FOXP4: variants seen among roughly 807,000 people sequenced by gnomAD.
The protein encoded by FOXP4 is forkhead box protein P4.
In FOXP4, 25 loss-of-function variants were observed where a neutral mutation model predicts 82.6. The ratio of observed to expected loss-of-function variants is 0.30; its 90% CI spans 0.22 to 0.42. The LOEUF is 0.42. Ranked by LOEUF, FOXP4 falls within the 10% of genes least tolerant of loss-of-function variation. FOXP4 has a pLI of 1.00. For synonymous variants in FOXP4, 415 were observed against 388.2 expected (o/e 1.07, Z -0.81); for missense variants, 785 against 900.9 (o/e 0.87, Z 1.65).
intron 14 of FOXP4, among the ~76,000 whole-genome samples, chr6:41,596,082 G>A (rs1766816059): frequency 6.6e-6 from 1 of 152,176 alleles, no homozygotes; most frequent in Non-Finnish European, 1.5e-5. Flanking sequence ...ACTTTTGGTA[G>A]AGACGGGGTT....
intron 1 of FOXP4, among the ~76,000 whole-genome samples, chr6:41,555,659 CTATT>C (rs1764234679): frequency 1.3e-5 from 2 of 152,232 alleles, no homozygotes; most frequent in South Asian, 2.1e-4. Context: ...TAAGACGTCA[CTATT>C]TAATTAGCCG....
intron 12 of FOXP4, among the ~76,000 whole-genome samples, chr6:41,590,762 T>C (rs1358170983): frequency 2.6e-5 from 4 of 152,194 alleles, no homozygotes; most frequent in African/African-American, 9.7e-5. Flanking sequence ...ATGTCCTCCC[T>C]GATACCCACA....
At chr6:41,570,311 G>C (rs965375499) in intron 2 of FOXP4, 3 of 471,034 alleles carry the variant, frequency 6.4e-6, no homozygotes, top group African/African-American at 2.0e-5. Context: ...ACTCTCCAGA[G>C]GGGAGGCTTA....
intron 9 of FOXP4, 103 bp from the exon 10 acceptor site, chr6:41,589,668 G>A: frequency 8.6e-7 from 1 of 1,167,186 alleles, no homozygotes; most frequent in African/African-American, 1.5e-5. Flanking sequence ...GAATGGGGGT[G>A]GGAATCGGCG....
chr6:41,591,115 T>C lies in FOXP4; in HGVS notation c.1435-106T>C. ...TTTCTGAGCAGGTCTTCTCACAAAGTGAACTCGGGGCTAGGCAGAAGGGAG... is the reference window on the plus strand; with the variant it reads ...TTTCTGAGCAGGTCTTCTCACAAAGCGAACTCGGGGCTAGGCAGAAGGGAG... On this transcript the variant is annotated intron_variant, in intron 12 of 16. Transcript: ENST00000307972. The surrounding 1 kb of genome is among the most constrained non-coding windows in gnomAD (Gnocchi z 4.2). 1 of 889,226 alleles carries C rather than the reference T, an allele frequency of 1.1e-6. No homozygotes were observed. Among genetic ancestry groups the C allele is most frequent in the South Asian group, 1.5e-5 (1 of 68,508 alleles). The allele number at this position is 889,226 out of a possible 1,614,324, so 55.1% of individuals were successfully genotyped here.
intron 3 of FOXP4, among the ~76,000 whole-genome samples, chr6:41,578,845 G>A (rs974863316): frequency 2.6e-5 from 4 of 152,192 alleles, no homozygotes; most frequent in South Asian, 4.1e-4. Context: ...CCAGCAGCCC[G>A]GGATCCATGC....
chr6:41,578,829 C>G (rs1765643449), intron 3 of FOXP4, among the ~76,000 whole-genome samples: 1 of 152,122 alleles, frequency 6.6e-6, no homozygotes, highest in South Asian at 2.1e-4. Context: ...TCCCCTCCCC[C>G]TCTGCCCAGC....
chr6:41,560,554 ACGCGCGCCCAGGAG>A (rs2127334513), intron 1 of FOXP4, among the ~76,000 whole-genome samples: 1 of 152,282 alleles, frequency 6.6e-6, no homozygotes, highest in South Asian at 2.1e-4. Flanking sequence ...TCCCGGCAGG[ACGCGCGCCCAGGAG>A]CGCGCTGGGG....
chr6:41,575,800 G>T (rs1352212164), intron 2 of FOXP4, among the ~76,000 whole-genome samples: 3 of 149,368 alleles, frequency 2.0e-5, no homozygotes, highest in Non-Finnish European at 4.4e-5. Context: ...TCTGGAGTGT[G>T]TCATCTCCCC....
At chr6:41,548,239 G>GTC (rs1763778686) in intron 1 of FOXP4, 1 of 152,216 alleles carries the variant, frequency 6.6e-6, no homozygotes, top group South Asian at 2.1e-4. Flanking sequence ...CCAACGTCTA[G>GTC]TCTCCCCGCA....
intron 2 of FOXP4, among the ~76,000 whole-genome samples, chr6:41,569,465 G>C (rs1375278965): frequency 6.6e-6 from 1 of 152,180 alleles, no homozygotes; most frequent in Non-Finnish European, 1.5e-5. Flanking sequence ...GATTTCACTT[G>C]TATGAAAATG....
intron 2 of FOXP4, among the ~76,000 whole-genome samples, chr6:41,567,620 G>A (rs927177004): frequency 6.6e-6 from 1 of 152,216 alleles, no homozygotes; most frequent in Non-Finnish European, 1.5e-5. Context: ...AAATGTAGGG[G>A]TTGGGGAGTA....
At chr6:41,587,269 C>A (rs1304819306) in intron 6 of FOXP4, 30 bp from the exon 7 acceptor site, 1 of 1,609,832 alleles carries the variant, frequency 6.2e-7, no homozygotes, top group Non-Finnish European at 8.5e-7. Context: ...GTTCGTGGGG[C>A]CCTGCCAGCC....
At chr6:41,598,084 C>T (rs1190403048) in intron 16 of FOXP4, 134 bp downstream of exon 16, 5 of 707,578 alleles carry the variant, frequency 7.1e-6, no homozygotes, top group South Asian at 4.2e-5. Context: ...TGGCTTCTCT[C>T]TTCCTTCCCT....
chr6:41,572,183 C>T (rs1378863030), intron 2 of FOXP4, among the ~76,000 whole-genome samples: 1 of 152,190 alleles, frequency 6.6e-6, no homozygotes, highest in Non-Finnish European at 1.5e-5. Flanking sequence ...ATGCACCCAG[C>T]TTTTCCCACG....
chr6:41,596,666 C>T (rs1276491110), intron 14 of FOXP4, among the ~76,000 whole-genome samples: 2 of 152,140 alleles, frequency 1.3e-5, no homozygotes, highest in Non-Finnish European at 2.9e-5. Context: ...AACACCTTCC[C>T]GTGCAGAGAA....
intron 13 of FOXP4, among the ~76,000 whole-genome samples, chr6:41,592,127 C>G (rs1051301597): frequency 8.5e-5 from 13 of 152,084 alleles, no homozygotes; most frequent in African/African-American, 2.2e-4. Flanking sequence ...AGGACTCCCT[C>G]TCAGAACCTT....
chr6:41,565,800 C>A lies in FOXP4; in HGVS notation c.40C>A (p.Pro14Thr). The A allele has an allele frequency of 6.2e-7, 1 of 1,613,060 alleles. No individual in the cohort carries two copies. Among genetic ancestry groups the A allele is most frequent in the Non-Finnish European group, 8.5e-7 (1 of 1,179,384 alleles). The change falls in exon 2 of 17, where the codon CCA (proline) becomes ACA (threonine). Residue 14 changes from proline (P) to threonine (T), a missense_variant. Physicochemically the swap from Pro to Thr is conservative, Grantham distance 38. Coordinates refer to ENST00000307972, the MANE Select transcript of FOXP4 (RefSeq NM_001012426.2). ...ESASETIRSA[P>T]SGQNGVGSLS... ...TGCCTCGGAGACAATCAGGTCGGCT[C>A]CATCTGGTCAGAATGGCGTGGGCAG...
At chr6:41,589,880 C>T (rs1382424330) in intron 10 of FOXP4, 26 bp downstream of exon 10, 1 of 1,611,236 alleles carries the variant, frequency 6.2e-7, no homozygotes, top group South Asian at 1.1e-5. Context: ...CTCCCCGCCC[C>T]TCCCAGAGCC....
Sources: allele counts gnomAD v4.1 joint callset (sites outside exome capture counted in the v4.1 genomes callset), GRCh38; gene constraint gnomAD v4.1.1; non-coding constraint Gnocchi (gnomAD v3.1); transcripts MANE v1.5; gene names NCBI Gene and HGNC (gene_info 2026-07-23, HGNC 2026-07-21).